The following TEN1 variants were observed in gnomAD, a reference collection of about 807,000 sequenced individuals.
The protein encoded by TEN1 is TEN1 subunit of CST complex.
In TEN1, 6 loss-of-function variants were observed where a neutral mutation model predicts 9.3. The ratio of observed to expected loss-of-function variants is 0.65; its 90% CI spans 0.35 to 1.27. The LOEUF (loss-of-function observed/expected upper bound fraction) is 1.27, where lower values mean the gene tolerates loss of function less well. TEN1 is among the 50% of genes most tolerant of loss of function. The pLI, the probability that TEN1 is intolerant of heterozygous loss-of-function variation, is 0.03. For missense variants in TEN1, 149 were observed against 158.2 expected (o/e 0.94, Z 0.31); for synonymous variants, 65 against 65.6 (o/e 0.99, Z 0.04).
At chr17:75,982,639 C>T (rs1424426399) in intron 1 of TEN1, among the ~76,000 whole-genome samples, 4 of 152,168 alleles carry the variant, frequency 2.6e-5, no homozygotes, top group Admixed American at 2.6e-4. Context: ...GACTAGAATG[C>T]AGTGGCGCAA....
Position 75,979,353 on chromosome 17 carries a change from G to T in TEN1, c.-165G>T. On this transcript the variant is annotated 5_prime_UTR_variant, in exon 1 of 4. Coordinates refer to ENST00000397640, the MANE Select transcript of TEN1 (RefSeq NM_001113324.3). ...GCTCCTGGCCAGGGGAGGCTCCCGAGCGGATCCTCGGGAAAGGGGCTCCGA... is the reference window on the plus strand; with the variant it reads ...GCTCCTGGCCAGGGGAGGCTCCCGATCGGATCCTCGGGAAAGGGGCTCCGA... 1 of 557,760 alleles carries T rather than the reference G, an allele frequency of 1.8e-6. No homozygotes were observed. The highest frequency in any genetic ancestry group is 3.1e-5 in the East Asian group (1 of 32,196). 34.6% of individuals were successfully genotyped at this position (557,760 alleles called of 1,614,324 possible).
chr17:75,998,549 A>G (rs770604988), intron 3 of TEN1, among the ~76,000 whole-genome samples: 1 of 152,214 alleles, frequency 6.6e-6, no homozygotes, highest in Non-Finnish European at 1.5e-5. Flanking sequence ...GGTAGCCTGT[A>G]TAGACAGCTA....
At chr17:75,985,611 AC>A (rs2144346059) in intron 1 of TEN1, among the ~76,000 whole-genome samples, 1 of 151,490 alleles carries the variant, frequency 6.6e-6, no homozygotes, top group East Asian at 2.0e-4. Flanking sequence ...TGAAACTTCC[AC>A]CTCCTGGGTT....
intron 1 of TEN1, among the ~76,000 whole-genome samples, chr17:75,985,717 T>G (rs2066147275): frequency 6.6e-6 from 1 of 151,906 alleles, no homozygotes; most frequent in Non-Finnish European, 1.5e-5. Flanking sequence ...AGAGACAGCG[T>G]TTCTCCATGT....
intron 3 of TEN1, among the ~76,000 whole-genome samples, chr17:75,996,978 A>C (rs571774096): frequency 6.6e-6 from 1 of 151,870 alleles, no homozygotes; most frequent in Admixed American, 6.6e-5. Flanking sequence ...AACCAGTTCC[A>C]CCACTGTGCA....
intron 3 of TEN1, among the ~76,000 whole-genome samples, chr17:75,998,080 G>A: frequency 6.6e-6 from 1 of 151,738 alleles, no homozygotes; most frequent in Non-Finnish European, 1.5e-5. Flanking sequence ...TTCAGCTCCT[G>A]ACCTCAGGTG....
chr17:75,986,920 G>A (rs1228180841), intron 2 of TEN1, among the ~76,000 whole-genome samples: 1 of 151,924 alleles, frequency 6.6e-6, no homozygotes, highest in Non-Finnish European at 1.5e-5. Flanking sequence ...CCCAATATAC[G>A]TATATACATA....
At chr17:75,988,598 AG>A in intron 2 of TEN1, among the ~76,000 whole-genome samples, 1 of 151,502 alleles carries the variant, frequency 6.6e-6, no homozygotes, top group Non-Finnish European at 1.5e-5. Flanking sequence ...GAAAAGAAGA[AG>A]AAAGCAATAT....
chr17:75,998,144 G>A (rs1396208037), intron 3 of TEN1, among the ~76,000 whole-genome samples: 41 of 150,486 alleles, frequency 2.7e-4, no homozygotes, highest in Admixed American at 2.5e-3. Context: ...GAGCCACTGC[G>A]CCTGGCCTTT....
chr17:75,983,758 G>C (rs966642151), intron 1 of TEN1, among the ~76,000 whole-genome samples: 2 of 152,168 alleles, frequency 1.3e-5, no homozygotes, highest in East Asian at 1.9e-4. Context: ...CTGCTGATTG[G>C]TTGGGGGTGC....
chr17:75,985,320 A>AT (rs894920160), intron 1 of TEN1, among the ~76,000 whole-genome samples: 10 of 150,314 alleles, frequency 6.7e-5, no homozygotes, highest in African/African-American at 2.2e-4. Context: ...CCATTTTTGT[A>AT]TTTTTTTTGT....
chr17:75,989,530 G>A (rs376831724), intron 2 of TEN1, among the ~76,000 whole-genome samples: 3 of 151,866 alleles, frequency 2.0e-5, no homozygotes, highest in South Asian at 4.2e-4. Context: ...TCCTGTCTCA[G>A]CCTCCCAAGT....
intron 3 of TEN1, among the ~76,000 whole-genome samples, chr17:75,992,535 C>T (rs1246265510): frequency 2.6e-5 from 4 of 151,830 alleles, no homozygotes; most frequent in Non-Finnish European, 4.4e-5. Context: ...TTTTTTGAGA[C>T]GGAGTCTTGC....
intron 1 of TEN1, among the ~76,000 whole-genome samples, chr17:75,982,590 T>C (rs2066128110): frequency 6.6e-6 from 1 of 152,190 alleles, no homozygotes; most frequent in Non-Finnish European, 1.5e-5. Flanking sequence ...TTTTGCTTTG[T>C]TTTGTTTTGT....
intron 2 of TEN1, among the ~76,000 whole-genome samples, chr17:75,987,308 G>C (rs2066157953): frequency 6.6e-6 from 1 of 152,202 alleles, no homozygotes; most frequent in Admixed American, 6.5e-5. Flanking sequence ...GCTTGTTCAC[G>C]TTTGGCAAAT....
At chr17:75,983,882 C>G (rs1431469461) in intron 1 of TEN1, among the ~76,000 whole-genome samples, 1 of 151,944 alleles carries the variant, frequency 6.6e-6, no homozygotes, top group Non-Finnish European at 1.5e-5. Context: ...ATGCAAAAAA[C>G]CTGAAAAGAT....
chr17:75,990,284 A>T (rs59398260), intron 2 of TEN1, among the ~76,000 whole-genome samples: 1 of 151,254 alleles, frequency 6.6e-6, no homozygotes, highest in African/African-American at 2.4e-5. Context: ...CTTGGACTCA[A>T]GTGATCCATC....
chr17:75,983,642 G>A (rs142120729), intron 1 of TEN1, among the ~76,000 whole-genome samples: 2 of 152,334 alleles, frequency 1.3e-5, no homozygotes, highest in African/African-American at 2.4e-5. Flanking sequence ...GCCACACCAC[G>A]TGGGAGTTGG....
At chr17:75,999,611 G>A (rs964841760) in intron 3 of TEN1, among the ~76,000 whole-genome samples, 1 of 152,136 alleles carries the variant, frequency 6.6e-6, no homozygotes, top group Non-Finnish European at 1.5e-5. Flanking sequence ...CCAAAGTGCT[G>A]AGATTACAGG....
Sources: gnomAD v4.1 joint callset for allele counts (sites outside exome capture counted in the v4.1 genomes callset) on GRCh38, gnomAD v4.1.1 for gene constraint, MANE v1.5 for transcripts, NCBI Gene and HGNC (gene_info 2026-07-23, HGNC 2026-07-21) for gene names.